DENND1A: variants seen among roughly 807,000 people sequenced by gnomAD.
DENND1A encodes the protein DENN domain containing 1A.
In DENND1A, 51 loss-of-function variants were observed where a neutral mutation model predicts 113.7. That is an observed-to-expected ratio of 0.45 (90% CI 0.36 to 0.57). DENND1A has a LOEUF of 0.57. DENND1A is among the 20% of genes least tolerant of loss of function. The pLI, the probability that DENND1A is intolerant of heterozygous loss-of-function variation, is 0.00. For missense variants in DENND1A, 1,258 were observed against 1,395.9 expected (o/e 0.90, Z 1.57); for synonymous variants, 565 against 570.8 (o/e 0.99, Z 0.14).
chr9:123,715,148 C>A (rs1199393180), intron 5 of DENND1A, among the ~76,000 whole-genome samples: 4 of 151,932 alleles, frequency 2.6e-5, no homozygotes, highest in African/African-American at 9.7e-5. Flanking sequence ...CGCGCCACTG[C>A]ACTTCAGCCT....
At chr9:123,813,957 T>G (rs985363533) in intron 2 of DENND1A, among the ~76,000 whole-genome samples, 6 of 152,226 alleles carry the variant, frequency 3.9e-5, no homozygotes, top group African/African-American at 1.4e-4. Context: ...CTGATACTAC[T>G]GCAATCATCA....
chr9:123,830,052 TA>T lies in DENND1A; in HGVS notation c.89-37423del, dbSNP rs778006169. On this transcript the variant is annotated intron_variant, in intron 2 of 23. Coordinates refer to ENST00000394215, the MANE Select transcript of DENND1A (RefSeq NM_001352964.2). ...ACACAAAGGAGATGTCTTAATCTGATAAAGGTTATCTATTTTTAAAAACTGT... is the reference window on the plus strand; with the variant it reads ...ACACAAAGGAGATGTCTTAATCTGATAAGGTTATCTATTTTTAAAAACTGT... 7.2e-5 allele frequency among the ~76,000 whole-genome samples: 11 copies of T among 152,296 alleles called. No individual in the cohort carries two copies. In the East Asian group the frequency reaches 1.9e-3, roughly 27 times the overall value.
At chr9:123,518,674 T>TG (rs1215250104) in intron 13 of DENND1A, among the ~76,000 whole-genome samples, 8 of 152,136 alleles carry the variant, frequency 5.3e-5, no homozygotes, top group Admixed American at 5.2e-4. Context: ...GCACAGTACC[T>TG]GGCAAGTCCT....
chr9:123,443,907 T>C (rs1033989406), intron 18 of DENND1A, among the ~76,000 whole-genome samples: 2 of 151,976 alleles, frequency 1.3e-5, no homozygotes, highest in East Asian at 3.9e-4. Flanking sequence ...TAGTGAGCCG[T>C]GATCAGGCCA....
At chr9:123,607,772 T>C (rs1330310781) in intron 11 of DENND1A, among the ~76,000 whole-genome samples, 2 of 150,510 alleles carry the variant, frequency 1.3e-5, no homozygotes, top group African/African-American at 4.9e-5. Context: ...AGAGGGCACA[T>C]AGAAAAGAAG....
intron 2 of DENND1A, among the ~76,000 whole-genome samples, chr9:123,877,358 G>A (rs1469629820): frequency 6.6e-6 from 1 of 151,982 alleles, no homozygotes; most frequent in East Asian, 1.9e-4. Flanking sequence ...ACGTGGTGGT[G>A]GGCACCTGTA....
intron 5 of DENND1A, among the ~76,000 whole-genome samples, chr9:123,722,648 T>A (rs2067422600): frequency 6.6e-6 from 1 of 152,232 alleles, no homozygotes; most frequent in Non-Finnish European, 1.5e-5. Flanking sequence ...CAGCTCAGGC[T>A]GTTGCTTCAT....
chr9:123,911,585 T>A (rs544732622), intron 1 of DENND1A, among the ~76,000 whole-genome samples: 1 of 152,304 alleles, frequency 6.6e-6, no homozygotes, highest in African/African-American at 2.4e-5. Flanking sequence ...CAACACAATG[T>A]AGAGCAGAAG....
chr9:123,809,796 G>C (rs1044805564), intron 2 of DENND1A, among the ~76,000 whole-genome samples: 3 of 152,114 alleles, frequency 2.0e-5, no homozygotes, highest in African/African-American at 7.2e-5. Context: ...TCAGCCTCCA[G>C]AGTAGCTGGG....
intron 13 of DENND1A, among the ~76,000 whole-genome samples, chr9:123,463,919 A>AT (rs2048731499): frequency 6.6e-6 from 1 of 150,900 alleles, no homozygotes; most frequent in Non-Finnish European, 1.5e-5. Flanking sequence ...AAAAAAAAAA[A>AT]AAAATTAAAA....
At chr9:123,767,222 A>G (rs764125250) in intron 4 of DENND1A, among the ~76,000 whole-genome samples, 34 of 152,290 alleles carry the variant, frequency 2.2e-4, no homozygotes, top group Non-Finnish European at 2.9e-4. Context: ...AAAGTATACC[A>G]AGGTTAGAGG....
intron 9 of DENND1A, among the ~76,000 whole-genome samples, chr9:123,645,375 G>A (rs970111689): frequency 6.6e-6 from 1 of 152,094 alleles, no homozygotes. Flanking sequence ...GTCAAGAGAG[G>A]TTCCTCAAAA....
intron 1 of DENND1A, among the ~76,000 whole-genome samples, chr9:123,915,338 A>G (rs1211217943): frequency 1.3e-5 from 2 of 152,144 alleles, no homozygotes; most frequent in Non-Finnish European, 2.9e-5. Context: ...AATATTCATA[A>G]TAACATTCCA....
intron 2 of DENND1A, among the ~76,000 whole-genome samples, chr9:123,817,365 G>A (rs1837672487): frequency 1.3e-5 from 2 of 152,086 alleles, no homozygotes; most frequent in Non-Finnish European, 2.9e-5. Context: ...TCCACACGCC[G>A]GGGGGTTTAA....
intron 13 of DENND1A, among the ~76,000 whole-genome samples, chr9:123,462,471 G>C (rs10733664): frequency 0.98 from 149,863 of 152,304 alleles, 73,761 homozygotes; most frequent in Middle Eastern, 1. Context: ...TGCTTGCCCT[G>C]AGACCTCCCT....
chr9:123,816,015 T>C (rs988055537), intron 2 of DENND1A, among the ~76,000 whole-genome samples: 2 of 138,778 alleles, frequency 1.4e-5, no homozygotes, highest in Non-Finnish European at 3.1e-5. Context: ...TTTTTTTTTT[T>C]TTTGAGACAG....
chr9:123,828,145 G>A (rs1310410132), intron 2 of DENND1A, among the ~76,000 whole-genome samples: 3 of 151,940 alleles, frequency 2.0e-5, no homozygotes, highest in Non-Finnish European at 4.4e-5. Flanking sequence ...AGAAAGACGT[G>A]GAAGGGAGAG....
intron 5 of DENND1A, among the ~76,000 whole-genome samples, chr9:123,696,584 C>T (rs913382106): frequency 1.3e-5 from 2 of 152,042 alleles, no homozygotes; most frequent in African/African-American, 4.8e-5. Flanking sequence ...AAATCTTAAA[C>T]CAAAATTTAA....
rs141366569 is a variant in DENND1A at position 123,571,442 on chromosome 9, C to T, written c.867+11727G>A. On this transcript the variant is annotated intron_variant, in intron 12 of 23. Transcript: ENST00000394215. Reference sequence around the variant, plus strand: ...CTTCACCACAGAAGGTTGGTTGGTGCCCCTTGGCAGTCAGGCCCTGCCTCC... The same window carrying T: ...CTTCACCACAGAAGGTTGGTTGGTGTCCCTTGGCAGTCAGGCCCTGCCTCC... 6.0e-3 allele frequency among the ~76,000 whole-genome samples: 911 copies of T among 152,350 alleles called. 10 individuals are homozygous for T. Among genetic ancestry groups the T allele is most frequent in the African/African-American group, 0.02 (841 of 41,578 alleles).
Sources: allele counts gnomAD v4.1 joint callset (sites outside exome capture counted in the v4.1 genomes callset), GRCh38; gene constraint gnomAD v4.1.1; transcripts MANE v1.5; gene names NCBI Gene and HGNC (gene_info 2026-07-23, HGNC 2026-07-21).